The following GABRR2 variants were observed in gnomAD, a reference collection of about 807,000 sequenced individuals.
GABRR2 encodes the protein gamma-aminobutyric acid receptor subunit rho-2.
Under a neutral mutation model 47.0 loss-of-function variants are expected in GABRR2, and 36 were observed. That is an observed-to-expected ratio of 0.77 (90% CI 0.59 to 1.01). GABRR2 has a LOEUF of 1.01. Ranked by LOEUF, GABRR2 falls within the 50% of genes least tolerant of loss-of-function variation. The pLI is 0.00. For synonymous variants in GABRR2, 204 were observed against 227.5 expected, an observed-to-expected ratio of 0.90 and a Z score of 0.93; for missense variants, 587 against 594.6, an observed-to-expected ratio of 0.99 and a Z score of 0.13.
intron 1 of GABRR2, chr6:89,302,999 G>A: frequency 7.7e-7 from 1 of 1,290,642 alleles, no homozygotes; most frequent in Non-Finnish European, 1.1e-6. Flanking sequence ...GAGGCCAAGA[G>A]CAACATGAAT....
chr6:89,298,468 G>T (rs1371125312), intron 2 of GABRR2, among the ~76,000 whole-genome samples: 1 of 152,144 alleles, frequency 6.6e-6, no homozygotes, highest in Non-Finnish European at 1.5e-5. Context: ...AGGCTCAAAG[G>T]ATTGGTGACC....
Position 89,255,488 on chromosome 6 carries a change from A to G in GABRR2, c.*2182T>C, listed in dbSNP as rs1242616523. Among the ~76,000 whole-genome samples the G allele has an allele frequency of 6.6e-6, 1 of 152,104 alleles. No homozygotes were observed. Among genetic ancestry groups the G allele is most frequent in the East Asian group, 1.9e-4 (1 of 5,196 alleles). Reference sequence around the variant, plus strand: ...AAGTCCAGATGCCCTGTACCACCCAATTACCCATATTTATGCATTTTTGTT... The same window carrying G: ...AAGTCCAGATGCCCTGTACCACCCAGTTACCCATATTTATGCATTTTTGTT... On this transcript the variant is annotated 3_prime_UTR_variant, in exon 9 of 9. Coordinates refer to ENST00000402938, the MANE Select transcript of GABRR2 (RefSeq NM_002043.5).
In GABRR2 at chr6:89,312,202, T is replaced by A. The variant is rs117786978; in HGVS notation, c.113+2851A>T. 2.4e-4 allele frequency among the ~76,000 whole-genome samples: 37 copies of A among 152,252 alleles called. No homozygotes were observed. In the East Asian group the frequency reaches 6.2e-3, roughly 25 times the overall value. ...GCAATCGTGTGGTCAGGAGGCCAAC[T>A]TTGGCAGCAGGCCAGGAGGAGTAGG... is the stretch of plus-strand genomic sequence containing the variant. On this transcript the variant is annotated intron_variant, in intron 1 of 8. Transcript: ENST00000402938.
At chr6:89,300,693 C>G (rs2127847561) in intron 1 of GABRR2, among the ~76,000 whole-genome samples, 1 of 124,024 alleles carries the variant, frequency 8.1e-6, no homozygotes, top group East Asian at 2.6e-4. Flanking sequence ...TTGAATAGAC[C>G]AATAATGAGC....
intron 1 of GABRR2, among the ~76,000 whole-genome samples, chr6:89,310,326 C>T (rs1024396760): frequency 2.6e-5 from 4 of 152,170 alleles, no homozygotes; most frequent in African/African-American, 4.8e-5. Context: ...CTGGCTTCTC[C>T]ACAGCTGCAG....
At chr6:89,268,929 T>C in intron 4 of GABRR2, 82 bp downstream of exon 4, 1 of 1,260,654 alleles carries the variant, frequency 7.9e-7, no homozygotes, top group South Asian at 1.3e-5. Context: ...CCAACCGCAG[T>C]GACAGTCTTC....
In GABRR2 at chr6:89,265,595, C is replaced by A. The variant is rs761542174; in HGVS notation, c.889+18G>T. The A allele has an allele frequency of 1.9e-6, 3 of 1,604,266 alleles. No individual in the cohort carries two copies. In the South Asian group the frequency reaches 3.4e-5, roughly 18 times the overall value. ...GAAAAAAATAACCACCCTACCACAC[C>A]TTATGAAATGCTTTTACCCAGTGAA... On this transcript the variant is annotated intron_variant, in intron 7 of 8. Coordinates refer to ENST00000402938, the MANE Select transcript of GABRR2 (RefSeq NM_002043.5).
chr6:89,313,275 T>C (rs1289022601), intron 1 of GABRR2, among the ~76,000 whole-genome samples: 1 of 152,220 alleles, frequency 6.6e-6, no homozygotes, highest in Non-Finnish European at 1.5e-5. Context: ...GTGGATTTTT[T>C]AGTTGTTTCT....
chr6:89,297,619 CTGAGG>C (rs1254143439), intron 2 of GABRR2, among the ~76,000 whole-genome samples: 1 of 152,182 alleles, frequency 6.6e-6, no homozygotes, highest in African/African-American at 2.4e-5. Context: ...CTTTGGGAGG[CTGAGG>C]TGGGTGGATC....
At chr6:89,277,967 C>T (rs188896342) in intron 2 of GABRR2, among the ~76,000 whole-genome samples, 14 of 152,076 alleles carry the variant, frequency 9.2e-5, no homozygotes, top group African/African-American at 2.4e-4. Flanking sequence ...GACTCTACTT[C>T]GAGAAATGTA....
At chr6:89,312,374 C>T (rs1388048718) in intron 1 of GABRR2, among the ~76,000 whole-genome samples, 2 of 152,126 alleles carry the variant, frequency 1.3e-5, no homozygotes, top group Admixed American at 1.3e-4. Context: ...AGCTGCTGGG[C>T]GGAATCATTG....
chr6:89,266,999 CTTTTTTTT>C (rs71024360), intron 6 of GABRR2, among the ~76,000 whole-genome samples: 1 of 125,892 alleles, frequency 7.9e-6, no homozygotes, highest in Admixed American at 8.2e-5. Context: ...TTCTTTTCTT[CTTTTTTTT>C]TTTTTTTTTT....
In GABRR2 at chr6:89,264,500, A is replaced by C. The variant is rs758789927; in HGVS notation, c.998T>G (p.Val333Gly). 2.0e-5 allele frequency: 32 copies of C among 1,613,990 alleles called. No individual in the cohort carries two copies. The highest frequency in any genetic ancestry group is 2.7e-5 in the Non-Finnish European group (32 of 1,180,016). ...AVDIYLWVSF[V>G]FVFLSVLEYA... ...CTCCAGCACCGAGAGGAACACGAAC[A>C]CAAAGCTGACCCAGAGGTAGATGTC... is the stretch of plus-strand genomic sequence containing the variant. Residue 333 changes from valine to glycine, a missense_variant, in exon 8 of 9, where the codon GTG (valine) becomes GGG (glycine). Val to Gly is a moderately radical substitution (Grantham distance 109, BLOSUM62 -3). Coordinates refer to ENST00000402938, the MANE Select transcript of GABRR2 (RefSeq NM_002043.5).
chr6:89,284,689 A>G (rs1293143501), intron 2 of GABRR2, among the ~76,000 whole-genome samples: 2 of 152,250 alleles, frequency 1.3e-5, no homozygotes, highest in Non-Finnish European at 2.9e-5. Flanking sequence ...CCAGAAAGGA[A>G]CATGGCCCTG....
In GABRR2 at chr6:89,265,762, C is replaced by G. The variant is rs201201722; in HGVS notation, c.740G>C (p.Trp247Ser). 1.2e-5 allele frequency: 20 copies of G among 1,613,840 alleles called. No homozygotes were observed. In the Middle Eastern group the frequency reaches 6.6e-4, roughly 53 times the overall value. ...GAAGTTAATGTACAGACGGTTGTACCAGCCTAGGGGATGCAGGAAGAAGCC... is the reference window on the plus strand; with the variant it reads ...GAAGTTAATGTACAGACGGTTGTACGAGCCTAGGGGATGCAGGAAGAAGCC... ...SRLAFYSSTG[W>S]YNRLYINFTL... Residue 247 changes from tryptophan (W) to serine (S), a missense_variant, in exon 7 of 9, where the codon TGG (tryptophan) becomes TCG (serine). Transcript: ENST00000402938.
At chr6:89,266,561 A>C (rs1773900046) in intron 6 of GABRR2, among the ~76,000 whole-genome samples, 1 of 152,240 alleles carries the variant, frequency 6.6e-6, no homozygotes, top group South Asian at 2.1e-4. Flanking sequence ...CATTTGGGAC[A>C]TGAGGTAATG....
chr6:89,267,606 G>A, intron 6 of GABRR2, 73 bp downstream of exon 6: 1 of 1,397,312 alleles, frequency 7.2e-7, no homozygotes, highest in African/African-American at 1.4e-5. Context: ...TATTTTCCTG[G>A]GGTTAAGGCT....
chr6:89,314,170 ATGTT>A (rs1767724297), intron 1 of GABRR2, among the ~76,000 whole-genome samples: 1 of 152,214 alleles, frequency 6.6e-6, no homozygotes, highest in African/African-American at 2.4e-5. Context: ...ATGTTCAAAA[ATGTT>A]TGGGGACTGA....
intron 2 of GABRR2, among the ~76,000 whole-genome samples, chr6:89,279,374 C>CGT (rs142432844): frequency 1.1e-3 from 163 of 150,914 alleles, no homozygotes; most frequent in African/African-American, 3.5e-3. Context: ...AGTGTGCATG[C>CGT]GTGTGTGTGT....
Sources: allele counts gnomAD v4.1 joint callset (sites outside exome capture counted in the v4.1 genomes callset), GRCh38; gene constraint gnomAD v4.1.1; transcripts MANE v1.5; gene names NCBI Gene and HGNC (gene_info 2026-07-23, HGNC 2026-07-21).